Variants in DPYD observed in about 807,000 individuals in gnomAD.
DPYD encodes the protein dihydropyrimidine dehydrogenase [NADP(+)].
DPYD carries 109 observed loss-of-function variants against 116.2 expected under a neutral mutation model. The ratio of observed to expected loss-of-function variants is 0.94; its 90% confidence interval spans 0.80 to 1.10. The LOEUF is 1.10. Ranked by LOEUF, DPYD falls within the 50% of genes least tolerant of loss-of-function variation. The pLI is 0.00. For synonymous variants in DPYD, 440 were observed against 432.0 expected (o/e 1.02, Z -0.23); for missense variants, 1,302 against 1,254.5 (o/e 1.04, Z -0.57).
chr1:97,304,408 C>T (rs745504531), intron 18 of DPYD, among the ~76,000 whole-genome samples: 2 of 151,888 alleles, frequency 1.3e-5, no homozygotes, highest in South Asian at 2.1e-4. Context: ...AGAATATAAC[C>T]GTTTTTGTTC....
intron 18 of DPYD, among the ~76,000 whole-genome samples, chr1:97,266,469 G>A (rs7518848): frequency 1.3e-5 from 2 of 152,002 alleles, no homozygotes; most frequent in Admixed American, 6.6e-5. Flanking sequence ...TTAATCTGCT[G>A]TATGCTGCTA....
chr1:97,236,595 A>AGGACAGTGAAATACTATATAT (rs1661942478), intron 18 of DPYD, among the ~76,000 whole-genome samples: 1 of 152,116 alleles, frequency 6.6e-6, no homozygotes, highest in Admixed American at 6.5e-5. Flanking sequence ...GAGGATTTTT[A>AGGACAGTGAAATACTATATAT]GGACAGTGAA....
intron 19 of DPYD, among the ~76,000 whole-genome samples, chr1:97,229,546 G>GTATATATATATA (rs55638142): frequency 1.5e-4 from 9 of 58,166 alleles, no homozygotes; most frequent in Non-Finnish European, 2.2e-4. Context: ...ACCATCCTAA[G>GTATATATATATA]TATATATATA....
chr1:97,192,874 G>A (rs1044494737), intron 20 of DPYD, among the ~76,000 whole-genome samples, 195 bp downstream of exon 20: 1 of 152,108 alleles, frequency 6.6e-6, no homozygotes, highest in Non-Finnish European at 1.5e-5. Flanking sequence ...GTGTTGTATT[G>A]GTTTATAAAA....
At chr1:97,777,550 G>A (rs182724378) in intron 3 of DPYD, among the ~76,000 whole-genome samples, 126 of 152,194 alleles carry the variant, frequency 8.3e-4, no homozygotes, top group Non-Finnish European at 1.1e-3. Context: ...ACCTATTCAA[G>A]ATTTCAAAGC....
chr1:97,523,115 C>A (rs1648807717), intron 12 of DPYD, among the ~76,000 whole-genome samples: 1 of 151,996 alleles, frequency 6.6e-6, no homozygotes, highest in African/African-American at 2.4e-5. Context: ...GTTCAAAATA[C>A]ACTCAATGAA....
chr1:97,442,465 T>C (rs1413612979), intron 14 of DPYD, among the ~76,000 whole-genome samples: 4 of 151,462 alleles, frequency 2.6e-5, no homozygotes, highest in Non-Finnish European at 5.9e-5. Context: ...GTGAGCCATA[T>C]TACATATTCT....
At chr1:97,746,504 C>A (rs1664563065) in intron 3 of DPYD, among the ~76,000 whole-genome samples, 1 of 152,044 alleles carries the variant, frequency 6.6e-6, no homozygotes, top group African/African-American at 2.4e-5. Flanking sequence ...TTTTACTATA[C>A]ACGAAAAATA....
intron 13 of DPYD, among the ~76,000 whole-genome samples, chr1:97,463,978 C>T (rs1226351568): frequency 6.6e-6 from 1 of 152,076 alleles, no homozygotes; most frequent in Non-Finnish European, 1.5e-5. Flanking sequence ...GTGGCTCATG[C>T]CTGTAACACC....
chr1:97,112,890 C>A (rs1275704640), intron 20 of DPYD, among the ~76,000 whole-genome samples: 3 of 152,114 alleles, frequency 2.0e-5, no homozygotes, highest in Admixed American at 2.0e-4. Context: ...TTAATAAATT[C>A]TTGACAGGAT....
intron 3 of DPYD, among the ~76,000 whole-genome samples, chr1:97,820,570 T>C (rs1330388711): frequency 6.6e-6 from 1 of 152,218 alleles, no homozygotes; most frequent in Non-Finnish European, 1.5e-5. Context: ...TGGCTGTTTA[T>C]GATGCACCTA....
intron 14 of DPYD, chr1:97,394,241 T>C (rs1278692059): frequency 6.6e-6 from 1 of 152,258 alleles, no homozygotes; most frequent in African/African-American, 2.4e-5. Flanking sequence ...ATTCTGTAGG[T>C]TGCCTGTTCA....
chr1:97,786,238 A>C (rs1334649579), intron 3 of DPYD, among the ~76,000 whole-genome samples: 1 of 152,172 alleles, frequency 6.6e-6, no homozygotes, highest in African/African-American at 2.4e-5. Context: ...ATTAACCAAC[A>C]CTTTACCAAT....
rs1675554842 is a variant in DPYD, at chr1:97,437,879, G to A, written c.1905+12180C>T. The stretch of plus-strand genomic sequence containing the variant: ...TTAGGTTTCTCATTTAGGTCTATGA[G>A]TATTTTAAGTTAACTTCTATATATC... On this transcript the variant is annotated intron_variant, in intron 14 of 22. Transcript: ENST00000370192. Among the ~76,000 whole-genome samples the A allele has an allele frequency of 2.6e-5, 4 of 151,904 alleles. No individual in the cohort carries two copies. The South Asian group carries it at 8.3e-4, about 32-fold the overall frequency.
chr1:97,267,110 C>T (rs138778155), intron 18 of DPYD, among the ~76,000 whole-genome samples: 2,749 of 152,246 alleles, frequency 0.018, 85 homozygotes, highest in African/African-American at 0.062. Context: ...GCCACACTGT[C>T]TTCCACAATG....
chr1:97,741,049 C>A (rs1283995308), intron 3 of DPYD, among the ~76,000 whole-genome samples: 3 of 152,098 alleles, frequency 2.0e-5, no homozygotes. Context: ...TAGCCCAGAT[C>A]CATACCCTTC....
chr1:97,755,649 C>T (rs1456037091), intron 3 of DPYD, among the ~76,000 whole-genome samples: 1 of 152,138 alleles, frequency 6.6e-6, no homozygotes, highest in African/African-American at 2.4e-5. Flanking sequence ...TGATACCCAC[C>T]ACAACACAAT....
chr1:97,778,466 A>C (rs764077650), intron 3 of DPYD, among the ~76,000 whole-genome samples: 25 of 152,074 alleles, frequency 1.6e-4, no homozygotes, highest in Non-Finnish European at 3.1e-4. Flanking sequence ...AATTAAACTT[A>C]CTCTATTTCA....
intron 15 of DPYD, 26 bp downstream of exon 15, chr1:97,382,363 AAAAT>A (rs766786116): frequency 2.1e-6 from 3 of 1,411,856 alleles, no homozygotes; most frequent in Admixed American, 3.9e-5. Flanking sequence ...GAGAAGAAAT[AAAAT>A]AAATATATAC....
Sources: allele counts gnomAD v4.1 joint callset (sites outside exome capture counted in the v4.1 genomes callset), GRCh38; gene constraint gnomAD v4.1.1; transcripts MANE v1.5; gene names NCBI Gene and HGNC (gene_info 2026-07-23, HGNC 2026-07-21).